SLC13A1: variants seen among roughly 807,000 people sequenced by gnomAD.
SLC13A1 encodes the protein Na(+)/sulfate cotransporter.
A neutral mutation model predicts 70.0 loss-of-function variants in SLC13A1; 65 were observed. That is an observed-to-expected ratio of 0.93 (90% CI 0.76 to 1.14). The LOEUF (loss-of-function observed/expected upper bound fraction) is 1.14. SLC13A1 is among the 50% of genes most tolerant of loss of function. SLC13A1 has a pLI of 0.00. For synonymous variants in SLC13A1, 275 were observed against 250.5 expected (o/e 1.10, Z -0.92); for missense variants, 726 against 717.8 (o/e 1.01, Z -0.13).
intron 7 of SLC13A1, 49 bp downstream of exon 7, chr7:123,147,110 T>C: frequency 1.3e-6 from 2 of 1,568,856 alleles, no homozygotes; most frequent in Non-Finnish European, 1.7e-6. Flanking sequence ...ATTTTTATAA[T>C]TTTTGTGCTG....
Position 123,148,859 on chromosome 7 carries a change from C to T in SLC13A1, c.661-1549G>A, listed in dbSNP as rs548377380. Among the ~76,000 whole-genome samples the T allele has an allele frequency of 1.8e-4, 28 of 152,196 alleles. No individual in the cohort carries two copies. In the South Asian group the frequency reaches 3.9e-3, roughly 21 times the overall value. ...CTACACTCAGTTTTTAAACCTTCAA[C>T]ATTTGGAATGTCAAGAGAAGAACAG... On this transcript the variant is annotated intron_variant, in intron 6 of 14. Transcript: ENST00000194130.
chr7:123,173,593 G>A (rs138909235), intron 2 of SLC13A1, among the ~76,000 whole-genome samples: 30 of 152,056 alleles, frequency 2.0e-4, no homozygotes, highest in Non-Finnish European at 3.7e-4. Flanking sequence ...CTGTATCATA[G>A]AGCCGTGTTT....
intron 8 of SLC13A1, among the ~76,000 whole-genome samples, chr7:123,129,920 T>G (rs1793698567): frequency 6.6e-6 from 1 of 152,194 alleles, no homozygotes; most frequent in Non-Finnish European, 1.5e-5. Flanking sequence ...ACTAGTTAAA[T>G]TATTTGAGGG....
chr7:123,128,783 A>G, intron 10 of SLC13A1, 62 bp downstream of exon 10: 1 of 1,033,956 alleles, frequency 9.7e-7, no homozygotes, highest in Non-Finnish European at 1.5e-6. Flanking sequence ...TACAGGAACC[A>G]CACAGGAGAG....
At chr7:123,148,386 C>A in intron 6 of SLC13A1, 1 of 382,364 alleles carries the variant, frequency 2.6e-6, no homozygotes, top group South Asian at 1.9e-5. Flanking sequence ...ACCTCAGTCA[C>A]CCCACCCCCA....
rs199673323 is a variant in SLC13A1 at position 123,140,081 on chromosome 7, A to T, written c.813-5552T>A. Among the ~76,000 whole-genome samples, 72 of 94,280 alleles carry T rather than the reference A, an allele frequency of 7.6e-4. No individual in the cohort carries two copies. The East Asian group carries it at 0.01, about 14-fold the overall frequency. 61.9% of individuals were successfully genotyped at this position (94,280 alleles called of 152,430 possible). ...TCTGTCGTATACAGCTTCTTTTTTT[A>T]AAAAAAATTGTTAAGGTATTTTCCT... On this transcript the variant is annotated intron_variant, in intron 7 of 14. Transcript: ENST00000194130.
chr7:123,137,428 G>A (rs1793989039), intron 7 of SLC13A1, among the ~76,000 whole-genome samples: 4 of 152,138 alleles, frequency 2.6e-5, no homozygotes, highest in South Asian at 4.1e-4. Flanking sequence ...GAACTATCCC[G>A]GGTAGGCCTA....
intron 1 of SLC13A1, among the ~76,000 whole-genome samples, chr7:123,181,360 T>C (rs563762348): frequency 3.3e-5 from 5 of 152,116 alleles, no homozygotes; most frequent in Non-Finnish European, 7.4e-5. Flanking sequence ...AAAGAGATAA[T>C]CTAGTCCATT....
At position 123,169,271 on chromosome 7, in the gene SLC13A1, C is replaced by G. The variant is rs756660152; in HGVS notation, c.430G>C (p.Ala144Pro). 1.2e-5 allele frequency: 20 copies of G among 1,613,570 alleles called. No individual in the cohort carries two copies. The highest frequency in any genetic ancestry group is 1.5e-5 in the Non-Finnish European group (18 of 1,179,764). Residue 144 changes from alanine to proline, a missense_variant, in exon 4 of 15, where the codon GCT (alanine) becomes CCT (proline). Ala to Pro is a conservative substitution (Grantham distance 27). Transcript: ENST00000194130. ...TCCGCAATGGGCATCACCATGGCAG[C>G]CGTCGAGGTGTTGCTGAGCCACATA... Reference protein sequence around the residue: ...LSMWLSNTSTAAMVMPIAEAV... With the variant: ...LSMWLSNTSTPAMVMPIAEAV...
chr7:123,196,895 G>A (rs1796204024), intron 1 of SLC13A1, among the ~76,000 whole-genome samples: 1 of 152,102 alleles, frequency 6.6e-6, no homozygotes, highest in Non-Finnish European at 1.5e-5. Context: ...GTTCTGACAG[G>A]ATCCAAGCTC....
chr7:123,171,662 G>A, intron 3 of SLC13A1, 106 bp downstream of exon 3: 1 of 1,131,674 alleles, frequency 8.8e-7, no homozygotes, highest in Non-Finnish European at 1.3e-6. Flanking sequence ...AAGTCAGACT[G>A]TGATACAAAG....
intron 14 of SLC13A1, among the ~76,000 whole-genome samples, chr7:123,117,070 G>A (rs754729116): frequency 6.6e-6 from 1 of 152,080 alleles, no homozygotes; most frequent in Admixed American, 6.6e-5. Flanking sequence ...GGAAATGTTG[G>A]TGCATAAATG....
At position 123,128,946 on chromosome 7, in the gene SLC13A1, C is replaced by G; in HGVS notation, c.1032G>C (p.Arg344Ser). ...KQEYQKLGPI[R>S]YQEIVTLVLF... ...GGACCAAGGTCACAATTTCTTGATA[C>G]CTGTGGAAAAATTCCAATGGCATCA... Residue 344 changes from arginine (R) to serine (S), a missense_variant and splice_region_variant, in exon 10 of 15, where the codon AGG (arginine) becomes AGC (serine). Transcript: ENST00000194130. 3 of 1,606,276 alleles carry G rather than the reference C, an allele frequency of 1.9e-6. No homozygotes were observed. Among genetic ancestry groups the G allele is most frequent in the Non-Finnish European group, 2.6e-6 (3 of 1,173,438 alleles).
chr7:123,129,425 G>A lies in SLC13A1; in HGVS notation c.989C>T (p.Ala330Val). 2.5e-6 allele frequency: 4 copies of A among 1,608,862 alleles called. No individual in the cohort carries two copies. Among genetic ancestry groups the A allele is most frequent in the South Asian group, 1.1e-5 (1 of 90,406 alleles). ...KTKTVQQKAC[A>V]EVIKQEYQKL... ...TTGGTATTCTTGCTTAATCACCTCA[G>A]CACAAGCTTTTTGTTGGACTGTTTT... is the stretch of plus-strand genomic sequence containing the variant. Residue 330 changes from alanine to valine, a missense_variant, in exon 9 of 15, where the codon GCT becomes GTT. By Grantham distance (64) the Ala-to-Val change is moderately conservative (BLOSUM62 0). Transcript: ENST00000194130.
In SLC13A1 at chr7:123,169,331, T is replaced by C; in HGVS notation, c.370A>G (p.Thr124Ala). Reference protein sequence around the residue: ...MMVGVNPAWLTLGFMSSTAFL... With the variant: ...MMVGVNPAWLALGFMSSTAFL... ...GCAGTGCTGCTCATGAACCCCAGCG[T>C]CAGCCTGAAACCAGAGAGCCATTAT... The change falls in exon 4 of 15, where the codon ACG becomes GCG. Residue 124 changes from threonine to alanine, a missense_variant. Coordinates refer to ENST00000194130, the MANE Select transcript of SLC13A1 (RefSeq NM_022444.4). The C allele has an allele frequency of 2.5e-6, 4 of 1,611,566 alleles. No individual in the cohort carries two copies. The highest frequency in any genetic ancestry group is 3.4e-6 in the Non-Finnish European group (4 of 1,179,900).
chr7:123,149,930 C>T (rs112001983), intron 6 of SLC13A1, among the ~76,000 whole-genome samples: 1,902 of 152,254 alleles, frequency 0.012, 37 homozygotes, highest in African/African-American at 0.042. Context: ...TCCAAACTCT[C>T]TTTCTTGTCT....
At chr7:123,123,080 T>G (rs28364216) in intron 12 of SLC13A1, 46 bp downstream of exon 12, 8 of 1,364,466 alleles carry the variant, frequency 5.9e-6, no homozygotes, top group Admixed American at 3.4e-5. Flanking sequence ...GCTCTTCTTT[T>G]GAACAGTCTG....
intron 7 of SLC13A1, among the ~76,000 whole-genome samples, chr7:123,142,313 G>T (rs1794182349): frequency 6.6e-6 from 1 of 152,036 alleles, no homozygotes; most frequent in Admixed American, 6.6e-5. Context: ...ATACTGCCTG[G>T]CCTGGGACTC....
intron 11 of SLC13A1, 56 bp from the exon 12 acceptor site, chr7:123,123,291 T>A: frequency 1.8e-6 from 2 of 1,104,744 alleles, no homozygotes; most frequent in Non-Finnish European, 2.8e-6. Context: ...AATATGACAT[T>A]TGCTTCAGCA....
Sources: gnomAD v4.1 joint callset for allele counts (sites outside exome capture counted in the v4.1 genomes callset) on GRCh38, gnomAD v4.1.1 for gene constraint, MANE v1.5 for transcripts, NCBI Gene and HGNC (gene_info 2026-07-23, HGNC 2026-07-21) for gene names.